Variants in CCDC171 observed in about 807,000 individuals in gnomAD.
CCDC171 encodes the protein coiled-coil domain containing 171.
A neutral mutation model predicts 168.2 loss-of-function variants in CCDC171; 177 were observed. The ratio of observed to expected loss-of-function variants is 1.05; its 90% CI spans 0.93 to 1.19. The LOEUF is 1.19. CCDC171 is among the 50% of genes most tolerant of loss of function. The pLI is 0.00. For missense variants in CCDC171, 1,991 were observed against 1,539.0 expected (o/e 1.29, Z -4.91); for synonymous variants, 687 against 540.8 (o/e 1.27, Z -3.75).
rs536983218 is a variant in CCDC171, at chr9:15,700,042, C to T, written c.1318+4705C>T. Among the ~76,000 whole-genome samples, 7 of 152,326 alleles carry T rather than the reference C, an allele frequency of 4.6e-5. 1 individual carries two copies. The highest frequency in any genetic ancestry group is 2.1e-4 in the South Asian group (1 of 4,824). On this transcript the variant is annotated intron_variant, in intron 11 of 25. Coordinates refer to ENST00000380701, the MANE Select transcript of CCDC171 (RefSeq NM_173550.4). Reference sequence around the variant, plus strand: ...GCCTGCCAGTCCCGTGCCGTGTGACCGCACTCCTCAGCCCTTGGGTGGTCG... The same window carrying T: ...GCCTGCCAGTCCCGTGCCGTGTGACTGCACTCCTCAGCCCTTGGGTGGTCG...
chr9:16,051,456 G>C (rs1424904694), intron 1 of CCDC171, among the ~76,000 whole-genome samples: 3 of 152,126 alleles, frequency 2.0e-5, no homozygotes, highest in Non-Finnish European at 4.4e-5. Context: ...AGTTTGCTCT[G>C]GTTCTGTTTT....
chr9:16,063,488 G>T (rs1004615265), downstream of CCDC171, among the ~76,000 whole-genome samples: 2 of 152,154 alleles, frequency 1.3e-5, no homozygotes, highest in Non-Finnish European at 2.9e-5. Context: ...TTAAAATTCT[G>T]TATGGGAGAA....
Position 15,647,721 on chromosome 9 carries a change from C to A in CCDC171, c.823-9406C>A, listed in dbSNP as rs576795892. On this transcript the variant is annotated intron_variant, in intron 7 of 25. Transcript: ENST00000380701. ...GGAAGAGGTTGAATCCCAAAATACA[C>A]CAGTAACAGGCTCTGAAATTGAGGC... is the stretch of plus-strand genomic sequence containing the variant. Among the ~76,000 whole-genome samples, 5 of 152,250 alleles carry A rather than the reference C, an allele frequency of 3.3e-5. No homozygotes were observed. In the South Asian group the frequency reaches 1.0e-3, roughly 32 times the overall value.
At chr9:16,085,734 T>A in the CCDC171 span, among the ~76,000 whole-genome samples, 1 of 152,222 alleles carries the variant, frequency 6.6e-6, no homozygotes, top group African/African-American at 2.4e-5. Context: ...TATTCCTTTT[T>A]AAAACATTTT....
At chr9:15,687,528 G>C (rs1244915854) in intron 10 of CCDC171, among the ~76,000 whole-genome samples, 7 of 151,846 alleles carry the variant, frequency 4.6e-5, no homozygotes, top group Non-Finnish European at 7.4e-5. Context: ...AAAATAAACA[G>C]TAAAGACTAA....
intron 21 of CCDC171, among the ~76,000 whole-genome samples, chr9:15,805,020 A>G (rs866639724): frequency 4.6e-5 from 7 of 151,408 alleles, no homozygotes; most frequent in African/African-American, 1.7e-4. Context: ...CATTTCTTCT[A>G]GATTTTCTAG....
At chr9:15,905,105 C>G (rs1252879940) in intron 24 of CCDC171, among the ~76,000 whole-genome samples, 1 of 152,206 alleles carries the variant, frequency 6.6e-6, no homozygotes, top group African/African-American at 2.4e-5. Context: ...CAACATTAGA[C>G]AGATCAACGA....
At chr9:15,711,569 G>A (rs1446203363) in intron 11 of CCDC171, among the ~76,000 whole-genome samples, 1 of 152,158 alleles carries the variant, frequency 6.6e-6, no homozygotes, top group African/African-American at 2.4e-5. Flanking sequence ...AAGATCAAGT[G>A]TGCATTATAA....
At position 15,920,391 on chromosome 9, in the gene CCDC171, C is replaced by T. The variant is rs746769357; in HGVS notation, c.3722C>T (p.Ala1241Val). The T allele has an allele frequency of 2.5e-6, 4 of 1,607,584 alleles. No individual in the cohort carries two copies. The South Asian group carries it at 3.3e-5, about 13-fold the overall frequency. ...IAALKSELHT[A>V]CLRENASLQS... The stretch of plus-strand genomic sequence containing the variant: ...GCCTTGAAATCAGAACTTCACACAG[C>T]TTGTTTACGTGAAAATGCAAGTTTA... The change falls in exon 25 of 26, where the codon GCT becomes GTT. Residue 1241 changes from alanine (A) to valine (V), a missense_variant. Coordinates refer to ENST00000380701, the MANE Select transcript of CCDC171 (RefSeq NM_173550.4).
At chr9:15,899,112 T>C (rs1336822578) in intron 24 of CCDC171, among the ~76,000 whole-genome samples, 1 of 152,234 alleles carries the variant, frequency 6.6e-6, no homozygotes, top group East Asian at 1.9e-4. Context: ...TGTAATGCTC[T>C]TGAGATCCAT....
chr9:15,747,582 G>T (rs1219230186), intron 18 of CCDC171, among the ~76,000 whole-genome samples: 1 of 152,170 alleles, frequency 6.6e-6, no homozygotes, highest in East Asian at 1.9e-4. Context: ...CTGTTTTGCA[G>T]CCTCCGCTGG....
chr9:15,641,107 T>A (rs1190808547), intron 7 of CCDC171, among the ~76,000 whole-genome samples: 1 of 152,152 alleles, frequency 6.6e-6, no homozygotes, highest in Non-Finnish European at 1.5e-5. Context: ...ATTATTACTA[T>A]ATTTATTACT....
chr9:16,088,397 A>G, the CCDC171 span, among the ~76,000 whole-genome samples: 1 of 152,168 alleles, frequency 6.6e-6, no homozygotes, highest in Admixed American at 6.5e-5. Context: ...AAAGAAATAA[A>G]TGTATTCAGA....
At chr9:15,916,873 G>A (rs964416961) in intron 24 of CCDC171, among the ~76,000 whole-genome samples, 7 of 151,756 alleles carry the variant, frequency 4.6e-5, no homozygotes, top group East Asian at 1.9e-4. Flanking sequence ...TATACTAACC[G>A]AGTCTCACTG....
intron 3 of CCDC171, among the ~76,000 whole-genome samples, chr9:16,018,957 A>AAC (rs143186595): frequency 0.014 from 2,111 of 152,304 alleles, 44 homozygotes; most frequent in African/African-American, 0.047. Flanking sequence ...ACCAAGATTG[A>AAC]ACAATTTTTC....
chr9:15,698,475 C>T (rs893041830), intron 11 of CCDC171, among the ~76,000 whole-genome samples: 5 of 146,018 alleles, frequency 3.4e-5, no homozygotes, highest in African/African-American at 5.1e-5. Flanking sequence ...GAGCTGAGAT[C>T]GTGCCACTGC....
At chr9:15,834,707 A>G (rs1478507005) in intron 21 of CCDC171, among the ~76,000 whole-genome samples, 1 of 152,232 alleles carries the variant, frequency 6.6e-6, no homozygotes, top group African/African-American at 2.4e-5. Context: ...TGCAAAGGGT[A>G]AAGCATATTT....
At chr9:15,560,068 C>A (rs1410974360) in intron 1 of CCDC171, among the ~76,000 whole-genome samples, 1 of 152,182 alleles carries the variant, frequency 6.6e-6, no homozygotes, top group Non-Finnish European at 1.5e-5. Context: ...CCCTCACTCT[C>A]TTCTGGCTTG....
At chr9:15,586,723 C>T (rs1314434982) in intron 4 of CCDC171, among the ~76,000 whole-genome samples, 1 of 152,180 alleles carries the variant, frequency 6.6e-6, no homozygotes, top group Non-Finnish European at 1.5e-5. Context: ...GAAATAGAGT[C>T]TTTTGACTGG....
Sources: allele counts gnomAD v4.1 joint callset (sites outside exome capture counted in the v4.1 genomes callset), GRCh38; gene constraint gnomAD v4.1.1; transcripts MANE v1.5; gene names NCBI Gene and HGNC (gene_info 2026-07-23, HGNC 2026-07-21).